Variants in SWAP70 observed in about 807,000 individuals in gnomAD.
The protein encoded by SWAP70 is switch-associated protein 70.
In SWAP70, 34 loss-of-function variants were observed where a neutral mutation model predicts 80.2. The observed-to-expected ratio is 0.42, with a 90% CI of 0.32 to 0.56. The LOEUF (loss-of-function observed/expected upper bound fraction) is 0.56. SWAP70 is among the 20% of genes least tolerant of loss of function. The pLI, the probability that SWAP70 is intolerant of heterozygous loss-of-function variation, is 0.09. For synonymous variants in SWAP70, 239 were observed against 238.5 expected, an observed-to-expected ratio of 1.00 and a Z score of -0.02; for missense variants, 578 against 690.7, an observed-to-expected ratio of 0.84 and a Z score of 1.83.
intron 6 of SWAP70, among the ~76,000 whole-genome samples, chr11:9,732,057 T>C (rs747127293): frequency 6.6e-5 from 10 of 152,352 alleles, no homozygotes; most frequent in Admixed American, 1.3e-4. Flanking sequence ...AAGGCATGGA[T>C]GATAGGCCAA....
At chr11:9,718,411 A>G (rs188156761) in intron 3 of SWAP70, among the ~76,000 whole-genome samples, 64 of 152,192 alleles carry the variant, frequency 4.2e-4, no homozygotes, top group African/African-American at 1.5e-3. Flanking sequence ...GGTTAATCAC[A>G]TGGATTTGTA....
intron 3 of SWAP70, among the ~76,000 whole-genome samples, chr11:9,721,124 C>CT (rs1439771391): frequency 1.3e-5 from 2 of 152,122 alleles, no homozygotes; most frequent in Admixed American, 6.6e-5. Context: ...CGTTCAATCT[C>CT]TTAATCTTTT....
intron 7 of SWAP70, among the ~76,000 whole-genome samples, chr11:9,735,375 T>C (rs1389448626): frequency 1.3e-5 from 2 of 152,274 alleles, no homozygotes; most frequent in Admixed American, 6.5e-5. Context: ...TATTCTGTTA[T>C]ACAACTGTGT....
rs541973971 is a variant in SWAP70 at position 9,715,009 on chromosome 11, C to G, written c.414+1370C>G. Among the ~76,000 whole-genome samples the G allele has an allele frequency of 6.2e-5, 8 of 129,154 alleles. No individual in the cohort carries two copies. In the East Asian group the frequency reaches 1.8e-3, roughly 29 times the overall value. 84.7% of individuals were successfully genotyped at this position (129,154 alleles called of 152,430 possible). A position where few individuals can be genotyped will look rare whatever the true frequency, so the allele number is the denominator to read the frequency against. On this transcript the variant is annotated intron_variant, in intron 3 of 11. Coordinates refer to ENST00000318950, the MANE Select transcript of SWAP70 (RefSeq NM_015055.4). ...TTTTTTTAAGAAACGGGGTCTTACT[C>G]TGTTGCCCTGGCTGGAGTGCAGTGG...
At chr11:9,677,679 C>T (rs1452391274) in intron 1 of SWAP70, among the ~76,000 whole-genome samples, 1 of 152,140 alleles carries the variant, frequency 6.6e-6, no homozygotes, top group African/African-American at 2.4e-5. Flanking sequence ...TACATGTCAG[C>T]ACTGGAAATG....
At chr11:9,720,941 G>C (rs1369866364) in intron 3 of SWAP70, among the ~76,000 whole-genome samples, 1 of 151,938 alleles carries the variant, frequency 6.6e-6, no homozygotes, top group South Asian at 2.1e-4. Flanking sequence ...TCAGCCTCCC[G>C]AGTAGCTAGG....
intron 2 of SWAP70, among the ~76,000 whole-genome samples, chr11:9,700,937 G>GT (rs1303696074): frequency 2.0e-5 from 3 of 152,044 alleles, no homozygotes; most frequent in East Asian, 3.9e-4. Flanking sequence ...GTTTTTTTCA[G>GT]TTTTTTTCCC....
chr11:9,752,010 T>C lies in SWAP70; in HGVS notation c.*2040T>C, dbSNP rs796637863. Reference sequence around the variant, plus strand: ...AAGGAATGGAACCTTTCCTGTGGTTTGACTGCACATTACACCAGAAGACTC... The same window carrying C: ...AAGGAATGGAACCTTTCCTGTGGTTCGACTGCACATTACACCAGAAGACTC... On this transcript the variant is annotated 3_prime_UTR_variant, in exon 12 of 12. Coordinates refer to ENST00000318950, the MANE Select transcript of SWAP70 (RefSeq NM_015055.4). 4 of 152,288 alleles carry C rather than the reference T, an allele frequency of 2.6e-5. No individual in the cohort carries two copies. Among genetic ancestry groups the C allele is most frequent in the African/African-American group, 9.6e-5 (4 of 41,558 alleles). 9.4% of individuals were successfully genotyped at this position (152,288 alleles called of 1,614,324 possible).
At chr11:9,738,367 G>C (rs758493176) in intron 8 of SWAP70, 47 bp downstream of exon 8, 1 of 1,475,880 alleles carries the variant, frequency 6.8e-7, no homozygotes, top group South Asian at 1.3e-5. Context: ...GCTCAGCCTG[G>C]GTCGGTGGGA....
chr11:9,743,050 T>A lies in SWAP70; in HGVS notation c.1355+2703T>A, dbSNP rs12800112. Among the ~76,000 whole-genome samples the A allele has an allele frequency of 1.2e-4, 7 of 57,058 alleles. No homozygotes were observed. The East Asian group carries it at 1.7e-3, about 14-fold the overall frequency. The allele number at this position is 57,058 out of a possible 152,430, so 37.4% of individuals were successfully genotyped here. On this transcript the variant is annotated intron_variant, in intron 9 of 11. Coordinates refer to ENST00000318950, the MANE Select transcript of SWAP70 (RefSeq NM_015055.4). ...ATCTCCTAATGCTATCCCTCCCCCC[T>A]CCCCCCACCCCACAACAGGCCCCGG...
intron 2 of SWAP70, among the ~76,000 whole-genome samples, 161 bp from the exon 3 acceptor site, chr11:9,713,305 C>T (rs1299200877): frequency 6.6e-6 from 1 of 152,178 alleles, no homozygotes; most frequent in Non-Finnish European, 1.5e-5. Context: ...AATTGAGCCA[C>T]TGAAAGTGTA....
intron 1 of SWAP70, among the ~76,000 whole-genome samples, chr11:9,672,804 A>G (rs1290844464): frequency 6.6e-6 from 1 of 152,148 alleles, no homozygotes; most frequent in Non-Finnish European, 1.5e-5. Context: ...TTATATACCT[A>G]ATTTTTAACA....
At chr11:9,686,128 AT>A (rs1850628716) in intron 1 of SWAP70, among the ~76,000 whole-genome samples, 2 of 151,904 alleles carry the variant, frequency 1.3e-5, no homozygotes, top group Admixed American at 1.3e-4. Flanking sequence ...CAAACAATGT[AT>A]TAAAGTACAG....
chr11:9,681,749 G>A (rs1000483736), intron 1 of SWAP70, among the ~76,000 whole-genome samples: 2 of 152,204 alleles, frequency 1.3e-5, no homozygotes, highest in African/African-American at 4.8e-5. Flanking sequence ...TGCAGAGGAA[G>A]GGAACCTATT....
At chr11:9,678,202 ACAAT>A (rs953541356) in intron 1 of SWAP70, among the ~76,000 whole-genome samples, 7 of 152,228 alleles carry the variant, frequency 4.6e-5, no homozygotes, top group African/African-American at 1.4e-4. Flanking sequence ...AGGAACAAAA[ACAAT>A]CAATTTTTAA....
intron 2 of SWAP70, among the ~76,000 whole-genome samples, chr11:9,711,531 T>A (rs557787757): frequency 2.0e-5 from 3 of 152,340 alleles, no homozygotes; most frequent in Admixed American, 2.0e-4. Flanking sequence ...TACTCATTTT[T>A]CCCTGTTCCT....
chr11:9,708,486 C>T (rs937046327), intron 2 of SWAP70, among the ~76,000 whole-genome samples: 2 of 152,052 alleles, frequency 1.3e-5, no homozygotes, highest in African/African-American at 4.8e-5. Context: ...TTTTAAAATT[C>T]GCTTATTTGT....
chr11:9,722,511 C>T (rs1401050029), intron 3 of SWAP70, among the ~76,000 whole-genome samples: 3 of 152,172 alleles, frequency 2.0e-5, no homozygotes, highest in Non-Finnish European at 4.4e-5. Context: ...AATTAAAATA[C>T]AGATTCTGAT....
chr11:9,692,941 A>G (rs1850713455), intron 1 of SWAP70, among the ~76,000 whole-genome samples: 2 of 152,240 alleles, frequency 1.3e-5, no homozygotes, highest in African/African-American at 4.8e-5. Context: ...CCAGTAGAGC[A>G]TGTAGAAAAG....
Sources: gnomAD v4.1 joint callset for allele counts (sites outside exome capture counted in the v4.1 genomes callset) on GRCh38, gnomAD v4.1.1 for gene constraint, MANE v1.5 for transcripts, NCBI Gene and HGNC (gene_info 2026-07-23, HGNC 2026-07-21) for gene names.